Variants in SCAPER observed in about 807,000 individuals in gnomAD.
SCAPER encodes the protein S phase cyclin A-associated protein in the endoplasmic reticulum.
A neutral mutation model predicts 182.2 loss-of-function variants in SCAPER; 98 were observed. The ratio of observed to expected loss-of-function variants is 0.54; its 90% CI spans 0.46 to 0.64. The LOEUF (loss-of-function observed/expected upper bound fraction) is 0.64, where lower values mean the gene tolerates loss of function less well. Among genes scored for constraint, SCAPER ranks in the 30% least tolerant of loss-of-function variants. SCAPER has a pLI of 0.00. For synonymous variants in SCAPER, 605 were observed against 564.6 expected, an observed-to-expected ratio of 1.07 and a Z score of -1.01; for missense variants, 1,432 against 1,690.0, an observed-to-expected ratio of 0.85 and a Z score of 2.68.
chr15:76,848,741 T>A (rs535429238), intron 4 of SCAPER, among the ~76,000 whole-genome samples: 8 of 152,332 alleles, frequency 5.3e-5, no homozygotes, highest in Middle Eastern at 3.4e-3. Context: ...AATATGTAAT[T>A]TTTAAAATAT....
At chr15:76,689,229 T>C (rs2058212269) in intron 20 of SCAPER, among the ~76,000 whole-genome samples, 2 of 152,072 alleles carry the variant, frequency 1.3e-5, no homozygotes, top group Admixed American at 6.5e-5. Flanking sequence ...TTAAATAACA[T>C]GTCTTAAAAC....
chr15:76,701,871 A>C lies in SCAPER; in HGVS notation c.2401-6T>G. On this transcript the variant is annotated splice_region_variant and splice_polypyrimidine_tract_variant and intron_variant, in intron 19 of 31. Coordinates refer to ENST00000563290, the MANE Select transcript of SCAPER (RefSeq NM_020843.4). ...AGATATACCTCTGAAGAGATCTGAA[A>C]GCACAAAATCAAAGCAATGTAATCA... 5 of 1,603,528 alleles carry C rather than the reference A, an allele frequency of 3.1e-6. No homozygotes were observed. The highest frequency in any genetic ancestry group is 4.3e-6 in the Non-Finnish European group (5 of 1,170,486).
chr15:76,509,438 G>A (rs1456405597), intron 23 of SCAPER, among the ~76,000 whole-genome samples: 6 of 151,934 alleles, frequency 3.9e-5, no homozygotes, highest in Admixed American at 3.9e-4. Context: ...AGTATCTTTG[G>A]GTCCAAGCTT....
intron 23 of SCAPER, among the ~76,000 whole-genome samples, chr15:76,567,112 T>A (rs1013897759): frequency 2.6e-5 from 4 of 152,158 alleles, no homozygotes; most frequent in Non-Finnish European, 5.9e-5. Flanking sequence ...AGTCCTTTTG[T>A]CTTTTCTTGA....
At chr15:76,779,778 G>A (rs1230660000) in intron 8 of SCAPER, among the ~76,000 whole-genome samples, 4 of 151,138 alleles carry the variant, frequency 2.6e-5, no homozygotes, top group African/African-American at 4.9e-5. Context: ...GAACTGAGAC[G>A]CAAACATTTT....
At chr15:76,615,027 C>A (rs573639186) in intron 22 of SCAPER, among the ~76,000 whole-genome samples, 3 of 152,082 alleles carry the variant, frequency 2.0e-5, no homozygotes, top group Non-Finnish European at 4.4e-5. Flanking sequence ...ACAAAACAGA[C>A]CACTTCCTAG....
intron 29 of SCAPER, among the ~76,000 whole-genome samples, chr15:76,360,374 A>C (rs2041316398): frequency 6.6e-6 from 1 of 152,216 alleles, no homozygotes; most frequent in African/African-American, 2.4e-5. Context: ...GGGGAAACTA[A>C]TGCTCAGAAA....
intron 14 of SCAPER, among the ~76,000 whole-genome samples, chr15:76,763,843 T>A (rs1395610392): frequency 1.3e-5 from 2 of 152,222 alleles, no homozygotes; most frequent in Non-Finnish European, 2.9e-5. Context: ...TGTTCTCATT[T>A]TGTTTTTATG....
chr15:76,409,544 G>A (rs1268037219), intron 26 of SCAPER, among the ~76,000 whole-genome samples: 2 of 151,346 alleles, frequency 1.3e-5, no homozygotes, highest in Non-Finnish European at 2.9e-5. Context: ...TTTGGGTGAC[G>A]GATTCACTAC....
intron 22 of SCAPER, among the ~76,000 whole-genome samples, chr15:76,575,358 C>G (rs2047739981): frequency 1.3e-5 from 2 of 152,130 alleles, no homozygotes. Flanking sequence ...TTCATACATT[C>G]CCCACTCTCT....
chr15:76,771,253 C>A (rs1027512663), intron 10 of SCAPER, among the ~76,000 whole-genome samples: 5 of 152,000 alleles, frequency 3.3e-5, no homozygotes. Flanking sequence ...AACCATAAAT[C>A]TATAAATAAT....
intron 7 of SCAPER, among the ~76,000 whole-genome samples, chr15:76,795,903 T>C (rs2151477557): frequency 6.6e-6 from 1 of 152,000 alleles, no homozygotes; most frequent in South Asian, 2.1e-4. Context: ...CTCTACTAAA[T>C]AACAAAAATT....
At chr15:76,840,051 A>C (rs1305377202) in intron 5 of SCAPER, among the ~76,000 whole-genome samples, 1 of 152,232 alleles carries the variant, frequency 6.6e-6, no homozygotes, top group East Asian at 1.9e-4. Flanking sequence ...TAAGTCCAGT[A>C]GTGTCTTCTA....
chr15:76,354,004 T>C lies in SCAPER; in HGVS notation c.3992A>G (p.Asn1331Ser). ...LIAACYNNHQ[N>S]KIILEQEMSC... ...CATCTCTTGCTCCAGAATGATCTTG[T>C]TCTGATGGTTGTTGTAACAAGCAGC... The change falls in exon 30 of 32, where the codon AAC becomes AGC. Residue 1331 changes from asparagine to serine, a missense_variant. Physicochemically the swap from Asn to Ser is conservative, Grantham distance 46. Around this residue, in one of 5 missense-constraint regions of SCAPER, gnomAD observed 718 missense variants for 799.7 expected, o/e 0.90. Coordinates refer to ENST00000563290, the MANE Select transcript of SCAPER (RefSeq NM_020843.4). The surrounding 1 kb of genome is among the most constrained non-coding windows in gnomAD (Gnocchi z 4.4). 1 of 1,605,698 alleles carries C rather than the reference T, an allele frequency of 6.2e-7. No individual in the cohort carries two copies. Among genetic ancestry groups the C allele is most frequent in the Non-Finnish European group, 8.5e-7 (1 of 1,177,516 alleles).
chr15:76,504,432 C>T (rs1003281450), intron 24 of SCAPER, among the ~76,000 whole-genome samples: 1 of 152,184 alleles, frequency 6.6e-6, no homozygotes, highest in African/African-American at 2.4e-5. Context: ...TGGCACTCTT[C>T]GCCTCTGACT....
intron 1 of SCAPER, among the ~76,000 whole-genome samples, chr15:76,897,283 C>G (rs745592684): frequency 1.5e-4 from 23 of 152,052 alleles, no homozygotes; most frequent in Non-Finnish European, 3.2e-4. Flanking sequence ...CTTCAAAAAC[C>G]TGTAATGATT....
intron 26 of SCAPER, among the ~76,000 whole-genome samples, chr15:76,431,545 C>T (rs1008348054): frequency 3.9e-5 from 6 of 151,918 alleles, no homozygotes; most frequent in East Asian, 1.9e-4. Context: ...ACAGCTCCAA[C>T]GACTGTACTG....
intron 22 of SCAPER, among the ~76,000 whole-genome samples, chr15:76,620,132 T>C (rs2051888260): frequency 6.6e-6 from 1 of 152,174 alleles, no homozygotes; most frequent in Non-Finnish European, 1.5e-5. Context: ...TTTATTGCTA[T>C]TGTAAATATA....
chr15:76,687,942 T>G (rs1431636967), intron 20 of SCAPER, among the ~76,000 whole-genome samples: 1 of 152,238 alleles, frequency 6.6e-6, no homozygotes, highest in Non-Finnish European at 1.5e-5. Flanking sequence ...TTATAATCCT[T>G]TGGGTATATA....
Sources: allele counts gnomAD v4.1 joint callset (sites outside exome capture counted in the v4.1 genomes callset), GRCh38; gene constraint gnomAD v4.1.1; regional missense constraint gnomAD v4.1.1; non-coding constraint Gnocchi (gnomAD v3.1); transcripts MANE v1.5; gene names NCBI Gene and HGNC (gene_info 2026-07-23, HGNC 2026-07-21).